TAFA4: variants seen among roughly 807,000 people sequenced by gnomAD.
The protein encoded by TAFA4 is TAFA chemokine like family member 4.
In TAFA4, 20 loss-of-function variants were observed where a neutral mutation model predicts 21.1. The observed-to-expected ratio is 0.95, with a 90% CI of 0.67 to 1.38. TAFA4 has a LOEUF of 1.38. TAFA4 is among the 40% of genes most tolerant of loss of function. The pLI, the probability that TAFA4 is intolerant of heterozygous loss-of-function variation, is 0.00. For synonymous variants in TAFA4, 71 were observed against 67.4 expected (o/e 1.05, Z -0.26); for missense variants, 211 against 180.9 (o/e 1.17, Z -0.95).
rs1602196 is a variant in TAFA4, at chr3:68,788,556, T to C, written c.131-35538A>G. On this transcript the variant is annotated intron_variant, in intron 3 of 5. Transcript: ENST00000295569. Reference sequence around the variant, plus strand: ...AAAATCATTGACAAGACCAACATCATTGAGCTTTTCACCTATGTTTTCCTC... The same window carrying C: ...AAAATCATTGACAAGACCAACATCACTGAGCTTTTCACCTATGTTTTCCTC... Among the ~76,000 whole-genome samples the C allele has an allele frequency of 5.1e-3, 771 of 152,346 alleles. 15 individuals are homozygous for C. In the East Asian group the frequency reaches 0.058, roughly 11 times the overall value.
At chr3:68,832,072 C>T (rs1354183682) in intron 3 of TAFA4, among the ~76,000 whole-genome samples, 2 of 152,130 alleles carry the variant, frequency 1.3e-5, no homozygotes, top group Admixed American at 1.3e-4. Context: ...TCCAGTTAGC[C>T]ATTTGTCTAA....
intron 3 of TAFA4, among the ~76,000 whole-genome samples, chr3:68,855,373 A>T (rs533085270): frequency 1.3e-5 from 2 of 152,326 alleles, no homozygotes; most frequent in South Asian, 4.1e-4. Flanking sequence ...AACATAGAAC[A>T]TATGTCAGGG....
chr3:68,858,413 C>A (rs144909842), intron 3 of TAFA4, among the ~76,000 whole-genome samples: 79 of 152,118 alleles, frequency 5.2e-4, no homozygotes, highest in African/African-American at 1.9e-3. Context: ...TAATGAATGT[C>A]TATGTAAAGC....
chr3:68,771,755 G>C (rs893234579), intron 3 of TAFA4, among the ~76,000 whole-genome samples: 17 of 152,172 alleles, frequency 1.1e-4, no homozygotes, highest in African/African-American at 4.1e-4. Flanking sequence ...CGCCTTTCTA[G>C]AATATTCTAA....
At chr3:68,793,507 G>C (rs1703402296) in intron 3 of TAFA4, among the ~76,000 whole-genome samples, 1 of 152,154 alleles carries the variant, frequency 6.6e-6, no homozygotes, top group South Asian at 2.1e-4. Context: ...TAATTAGTCA[G>C]AAAGCTAAAT....
intron 3 of TAFA4, among the ~76,000 whole-genome samples, chr3:68,832,740 A>G (rs1196295223): frequency 6.6e-6 from 1 of 152,236 alleles, no homozygotes; most frequent in Non-Finnish European, 1.5e-5. Context: ...GTGACGTTTA[A>G]GTCTGCGGAA....
chr3:68,907,958 A>T (rs182037853), intron 1 of TAFA4, among the ~76,000 whole-genome samples: 5 of 152,352 alleles, frequency 3.3e-5, no homozygotes, highest in African/African-American at 7.2e-5. Flanking sequence ...ACTTGGAATC[A>T]GCATGGATTC....
intron 3 of TAFA4, among the ~76,000 whole-genome samples, chr3:68,818,504 G>T (rs781336626): frequency 6.6e-6 from 1 of 152,178 alleles, no homozygotes; most frequent in Non-Finnish European, 1.5e-5. Context: ...ATATCCCAGC[G>T]TATTTCAAAA....
intron 3 of TAFA4, among the ~76,000 whole-genome samples, chr3:68,794,603 C>T (rs1703421405): frequency 6.6e-6 from 1 of 152,112 alleles, no homozygotes. Context: ...TTTCAAAATT[C>T]CACACTGTGT....
At chr3:68,770,493 A>G (rs1485208212) in intron 3 of TAFA4, among the ~76,000 whole-genome samples, 1 of 152,250 alleles carries the variant, frequency 6.6e-6, no homozygotes, top group Non-Finnish European at 1.5e-5. Flanking sequence ...AATTATAAAA[A>G]TGGAAATAAA....
At chr3:68,869,303 A>G (rs1258728038) in intron 3 of TAFA4, among the ~76,000 whole-genome samples, 1 of 151,894 alleles carries the variant, frequency 6.6e-6, no homozygotes. Flanking sequence ...TATAACACCA[A>G]TTATACTCAA....
chr3:68,763,760 C>A (rs1410475888), intron 3 of TAFA4, among the ~76,000 whole-genome samples: 1 of 151,790 alleles, frequency 6.6e-6, no homozygotes. Context: ...CTAATAATAT[C>A]ATAGATTTGA....
chr3:68,928,003 A>T (rs1166125365), intron 1 of TAFA4, among the ~76,000 whole-genome samples: 2 of 152,182 alleles, frequency 1.3e-5, no homozygotes, highest in Non-Finnish European at 2.9e-5. Context: ...GAAACAAATT[A>T]CCCATGTCTT....
chr3:68,855,951 G>C (rs1293531241), intron 3 of TAFA4, among the ~76,000 whole-genome samples: 2 of 152,056 alleles, frequency 1.3e-5, no homozygotes, highest in East Asian at 3.9e-4. Context: ...TTGCTGGAAT[G>C]CAGACACGAT....
At chr3:68,806,622 T>A (rs1303452769) in intron 3 of TAFA4, among the ~76,000 whole-genome samples, 2 of 152,160 alleles carry the variant, frequency 1.3e-5, no homozygotes, top group Non-Finnish European at 2.9e-5. Flanking sequence ...AATTCATATG[T>A]TGAAACCCTA....
intron 3 of TAFA4, among the ~76,000 whole-genome samples, chr3:68,856,113 G>A (rs773045890): frequency 3.9e-5 from 6 of 152,088 alleles, no homozygotes; most frequent in Admixed American, 2.0e-4. Flanking sequence ...CCCAGACTCC[G>A]TGGTGTAAGG....
chr3:68,809,519 A>ATTTT (rs200107940), intron 3 of TAFA4, among the ~76,000 whole-genome samples: 3 of 127,140 alleles, frequency 2.4e-5, no homozygotes, highest in Non-Finnish European at 3.3e-5. Flanking sequence ...CACTATGTTG[A>ATTTT]TTTTTTTTTT....
chr3:68,898,694 A>G (rs978177585), intron 1 of TAFA4, among the ~76,000 whole-genome samples: 1 of 152,242 alleles, frequency 6.6e-6, no homozygotes, highest in African/African-American at 2.4e-5. Flanking sequence ...TGGGTCAAAT[A>G]TCGGACCAAT....
intron 3 of TAFA4, among the ~76,000 whole-genome samples, chr3:68,856,448 C>G (rs1332027562): frequency 1.3e-5 from 2 of 152,104 alleles, no homozygotes; most frequent in Non-Finnish European, 2.9e-5. Context: ...GATTATATTC[C>G]CAAACGCTTT....
Sources: gnomAD v4.1 joint callset for allele counts (sites outside exome capture counted in the v4.1 genomes callset) on GRCh38, gnomAD v4.1.1 for gene constraint, MANE v1.5 for transcripts, NCBI Gene and HGNC (gene_info 2026-07-23, HGNC 2026-07-21) for gene names.